RAB28: variants seen among roughly 807,000 people sequenced by gnomAD.
The protein encoded by RAB28 is ras-related protein Rab-28.
A neutral mutation model predicts 31.7 loss-of-function variants in RAB28; 24 were observed. The ratio of observed to expected loss-of-function variants is 0.76; its 90% CI spans 0.55 to 1.06. The LOEUF (loss-of-function observed/expected upper bound fraction) is 1.06, where lower values mean the gene tolerates loss of function less well. Ranked by LOEUF, RAB28 falls within the 50% of genes least tolerant of loss-of-function variation. The pLI is 0.00. For synonymous variants in RAB28, 100 were observed against 90.4 expected, an observed-to-expected ratio of 1.11 and a Z score of -0.60; for missense variants, 254 against 258.5, an observed-to-expected ratio of 0.98 and a Z score of 0.12.
chr4:13,483,452 G>C (rs1456868365), intron 1 of RAB28, among the ~76,000 whole-genome samples: 3 of 152,216 alleles, frequency 2.0e-5, no homozygotes, highest in African/African-American at 7.2e-5. Context: ...TATTAAAATA[G>C]CAACTAGAGT....
intron 4 of RAB28, among the ~76,000 whole-genome samples, chr4:13,405,010 C>T (rs1347269394): frequency 2.7e-5 from 4 of 150,646 alleles, no homozygotes; most frequent in Admixed American, 1.3e-4. Flanking sequence ...GATTTTTAAA[C>T]CCCACATTCA....
chr4:13,457,681 T>C (rs1034475638), intron 4 of RAB28, among the ~76,000 whole-genome samples: 19 of 152,148 alleles, frequency 1.2e-4, no homozygotes, highest in Admixed American at 1.2e-3. Flanking sequence ...ATTTCTTGCA[T>C]AAATTCAAAT....
chr4:13,418,024 C>T (rs2108917148), intron 4 of RAB28, among the ~76,000 whole-genome samples: 1 of 152,198 alleles, frequency 6.6e-6, no homozygotes, highest in South Asian at 2.1e-4. Flanking sequence ...AGACGAATGG[C>T]TAACTAGAAT....
chr4:13,406,484 T>C (rs780551596), intron 4 of RAB28, among the ~76,000 whole-genome samples: 4 of 152,202 alleles, frequency 2.6e-5, no homozygotes, highest in Admixed American at 2.0e-4. Context: ...GTCTTTATAG[T>C]AGAATGATTT....
At chr4:13,388,842 T>C (rs1729500930) in intron 4 of RAB28, among the ~76,000 whole-genome samples, 1 of 152,096 alleles carries the variant, frequency 6.6e-6, no homozygotes, top group African/African-American at 2.4e-5. Context: ...ACACTAATGT[T>C]TGTTGGTGGG....
At chr4:13,482,116 T>TA (rs1357148219) in intron 1 of RAB28, among the ~76,000 whole-genome samples, 4 of 152,106 alleles carry the variant, frequency 2.6e-5, no homozygotes, top group Admixed American at 2.0e-4. Flanking sequence ...CAGAGCACCA[T>TA]AAAAAATATT....
chr4:13,428,050 G>A (rs969073395), intron 4 of RAB28, among the ~76,000 whole-genome samples: 1 of 152,078 alleles, frequency 6.6e-6, no homozygotes, highest in Non-Finnish European at 1.5e-5. Context: ...CATAACTGGG[G>A]GCTGCATGCA....
chr4:13,464,540 T>C (rs1373509946), intron 3 of RAB28, among the ~76,000 whole-genome samples: 1 of 151,940 alleles, frequency 6.6e-6, no homozygotes, highest in Non-Finnish European at 1.5e-5. Context: ...TCCCCCATAC[T>C]TTACCACAAC....
At chr4:13,429,238 C>T (rs77956719) in intron 4 of RAB28, among the ~76,000 whole-genome samples, 8,527 of 152,138 alleles carry the variant, frequency 0.056, 548 homozygotes, top group African/African-American at 0.16. Flanking sequence ...TGAGCCACTG[C>T]GCCTGGCCAA....
chr4:13,436,118 T>C (rs1714090588), intron 4 of RAB28, among the ~76,000 whole-genome samples: 1 of 152,112 alleles, frequency 6.6e-6, no homozygotes, highest in Non-Finnish European at 1.5e-5. Context: ...TATGATCATC[T>C]CAATAGATTC....
intron 4 of RAB28, among the ~76,000 whole-genome samples, chr4:13,447,695 T>C (rs1714769164): frequency 6.6e-6 from 1 of 152,164 alleles, no homozygotes; most frequent in Non-Finnish European, 1.5e-5. Context: ...ATAGTGAGAA[T>C]TCAATAAATC....
intron 6 of RAB28, chr4:13,371,029 T>A (rs1171774498): frequency 1.0e-6 from 1 of 983,790 alleles, no homozygotes; most frequent in Non-Finnish European, 1.2e-6. Flanking sequence ...ATACCCTTCA[T>A]AATAGCATCT....
intron 2 of RAB28, among the ~76,000 whole-genome samples, chr4:13,475,772 T>C (rs958333001): frequency 6.6e-6 from 1 of 151,586 alleles, no homozygotes; most frequent in East Asian, 1.9e-4. Flanking sequence ...AACCAAAATG[T>C]CACAGACTAA....
chr4:13,459,630 C>T, intron 4 of RAB28: 1 of 468,320 alleles, frequency 2.1e-6, no homozygotes, highest in Non-Finnish European at 2.8e-6. Flanking sequence ...AAATTACTAA[C>T]AAACCCATAA....
chr4:13,444,440 G>C (rs932528957), intron 4 of RAB28, among the ~76,000 whole-genome samples: 9 of 152,148 alleles, frequency 5.9e-5, no homozygotes, highest in African/African-American at 1.9e-4. Context: ...GGACACATAG[G>C]CAGACTCCAT....
chr4:13,441,345 A>AG (rs1461764925), intron 4 of RAB28, among the ~76,000 whole-genome samples: 7 of 152,342 alleles, frequency 4.6e-5, no homozygotes, highest in African/African-American at 1.2e-4. Flanking sequence ...CTAATTAATT[A>AG]CCTAAAAATC....
At chr4:13,443,292 G>A (rs1411672293) in intron 4 of RAB28, among the ~76,000 whole-genome samples, 1 of 151,850 alleles carries the variant, frequency 6.6e-6, no homozygotes. Context: ...TCCTGCCTCA[G>A]CCTCCTGAGT....
chr4:13,414,051 C>T (rs1283751642), intron 4 of RAB28, among the ~76,000 whole-genome samples: 1 of 152,176 alleles, frequency 6.6e-6, no homozygotes, highest in Non-Finnish European at 1.5e-5. Context: ...GCCAATTTCT[C>T]TTGTAACATT....
intron 4 of RAB28, among the ~76,000 whole-genome samples, chr4:13,387,367 T>C (rs1488196828): frequency 2.0e-5 from 3 of 152,098 alleles, no homozygotes; most frequent in Non-Finnish European, 4.4e-5. Flanking sequence ...TTACATTAAA[T>C]TTAATTATAA....
Sources: allele counts gnomAD v4.1 joint callset (sites outside exome capture counted in the v4.1 genomes callset), GRCh38; gene constraint gnomAD v4.1.1; transcripts MANE v1.5; gene names NCBI Gene and HGNC (gene_info 2026-07-23, HGNC 2026-07-21).